Variants in TNFRSF9 observed in about 807,000 individuals in gnomAD.
The protein encoded by TNFRSF9 is tumor necrosis factor receptor superfamily member 9.
In TNFRSF9, 16 loss-of-function variants were observed where a neutral mutation model predicts 28.8. The ratio of observed to expected loss-of-function variants is 0.55; its 90% CI spans 0.38 to 0.84. TNFRSF9 has a LOEUF of 0.84. Ranked by LOEUF, TNFRSF9 falls within the 40% of genes least tolerant of loss-of-function variation. The probability of loss-of-function intolerance (pLI) is 0.00; values close to 1 mark genes in which losing one functional copy is unlikely to be tolerated. For synonymous variants in TNFRSF9, 131 were observed against 117.0 expected (o/e 1.12, Z -0.77); for missense variants, 303 against 315.0 (o/e 0.96, Z 0.29).
rs76203739 is a variant in TNFRSF9 at position 7,920,648 on chromosome 1, CAA to C, written c.*185_*186del. On this transcript the variant is annotated 3_prime_UTR_variant, in exon 8 of 8. Transcript: ENST00000377507. ...CCTGGGTGACAGAGTGAGACCCTGT[CAA>C]AAAAAAAAAAAAAGTGGTGCATTTT... is the stretch of plus-strand genomic sequence containing the variant. 5,228 of 401,100 alleles carry C rather than the reference CAA, an allele frequency of 0.013. No individual in the cohort carries two copies. The highest frequency in any genetic ancestry group is 0.017 in the South Asian group (649 of 38,774). The allele number at this position is 401,100 out of a possible 1,614,324, so 24.8% of individuals were successfully genotyped here. A position where few individuals can be genotyped will look rare whatever the true frequency, so the allele number is the denominator to read the frequency against.
At chr1:7,939,536 A>G (rs752247061) in intron 2 of TNFRSF9, among the ~76,000 whole-genome samples, 10 of 152,206 alleles carry the variant, frequency 6.6e-5, no homozygotes, top group Non-Finnish European at 1.3e-4. Flanking sequence ...TAAGCCCTTT[A>G]CTACGCGCTT....
Position 7,916,366 on chromosome 1 carries a change from C to T in TNFRSF9, c.*4469G>A, listed in dbSNP as rs1639478143. ...TTAGGGGGAGCAATGACTCACATGC[C>T]AAGTTCCTGTGTTTTTCATTTATAG... On this transcript the variant is annotated 3_prime_UTR_variant, in exon 8 of 8. Coordinates refer to ENST00000377507, the MANE Select transcript of TNFRSF9 (RefSeq NM_001561.6). 1 of 152,146 alleles carries T rather than the reference C, an allele frequency of 6.6e-6. No homozygotes were observed. The highest frequency in any genetic ancestry group is 2.4e-5 in the African/African-American group (1 of 41,428). 9.4% of individuals were successfully genotyped at this position (152,146 alleles called of 1,614,324 possible). A position where few individuals can be genotyped will look rare whatever the true frequency, so the allele number is the denominator to read the frequency against.
At position 7,916,419 on chromosome 1, in the gene TNFRSF9, A is replaced by G. The variant is rs1639478539; in HGVS notation, c.*4416T>C. ...TTTGCACATGATACCAGAATAGGCT[A>G]TGATAAAAATATCACAGTCTGTATC... is the stretch of plus-strand genomic sequence containing the variant. On this transcript the variant is annotated 3_prime_UTR_variant, in exon 8 of 8. Coordinates refer to ENST00000377507, the MANE Select transcript of TNFRSF9 (RefSeq NM_001561.6). 1 of 152,214 alleles carries G rather than the reference A, an allele frequency of 6.6e-6. No individual in the cohort carries two copies. Among genetic ancestry groups the G allele is most frequent in the African/African-American group, 2.4e-5 (1 of 41,448 alleles). 9.4% of individuals were successfully genotyped at this position (152,214 alleles called of 1,614,324 possible).
rs1639490133 is a variant in TNFRSF9 at position 7,917,083 on chromosome 1, C to G, written c.*3752G>C. ...TAGCTGGGATTACAGGCACATGCCA[C>G]CATGCCTGACTAATTTTTGTATTTT... On this transcript the variant is annotated 3_prime_UTR_variant, in exon 8 of 8. Transcript: ENST00000377507. 1 of 152,180 alleles carries G rather than the reference C, an allele frequency of 6.6e-6. No individual in the cohort carries two copies. The highest frequency in any genetic ancestry group is 1.5e-5 in the Non-Finnish European group (1 of 68,060). The allele number at this position is 152,180 out of a possible 1,614,324, so 9.4% of individuals were successfully genotyped here.
rs1491428790 is a variant in TNFRSF9 at position 7,922,895 on chromosome 1, TTC to T, written c.680-1974_680-1973del. 2.6e-3 allele frequency among the ~76,000 whole-genome samples: 370 copies of T among 141,958 alleles called. 1 individual carries two copies. The highest frequency in any genetic ancestry group is 3.9e-3 in the Non-Finnish European group (265 of 67,714). 93.1% of individuals were successfully genotyped at this position (141,958 alleles called of 152,430 possible). ...GGGGCAGCATAGCAAGACTACAAAC[TTC>T]TTTTTTTTTTCTTTTTTTTTTTTGA... On this transcript the variant is annotated intron_variant, in intron 7 of 7. Transcript: ENST00000377507.
At chr1:7,921,219 C>T (rs1249892232) in intron 7 of TNFRSF9, among the ~76,000 whole-genome samples, 4 of 151,832 alleles carry the variant, frequency 2.6e-5, no homozygotes, top group Non-Finnish European at 5.9e-5. Context: ...GCCTGTAATC[C>T]CAGCTACTCA....
chr1:7,932,600 C>T (rs1049029520), intron 7 of TNFRSF9, among the ~76,000 whole-genome samples: 8 of 151,966 alleles, frequency 5.3e-5, no homozygotes, highest in Non-Finnish European at 1.0e-4. Context: ...AGTTTATCAA[C>T]CAGAGGGACA....
At chr1:7,925,951 A>G (rs1639645818) in intron 7 of TNFRSF9, among the ~76,000 whole-genome samples, 1 of 152,190 alleles carries the variant, frequency 6.6e-6, no homozygotes, top group Non-Finnish European at 1.5e-5. Context: ...CCCAGCCAGG[A>G]GTGCAGTGAT....
At chr1:7,922,682 C>G (rs1639579366) in intron 7 of TNFRSF9, among the ~76,000 whole-genome samples, 1 of 151,776 alleles carries the variant, frequency 6.6e-6, no homozygotes, top group Admixed American at 6.6e-5. Context: ...CATGGTGGCG[C>G]TCACCTGTAA....
At position 7,930,431 on chromosome 1, in the gene TNFRSF9, A is replaced by G. The variant is rs960078850; in HGVS notation, c.679+2731T>C. ...CATAAATACTTTTGAAAAGCATTTT[A>G]TAACGAACTTTGTTGCAGTCTGGGG... On this transcript the variant is annotated intron_variant, in intron 7 of 7. Transcript: ENST00000377507. Among the ~76,000 whole-genome samples the G allele has an allele frequency of 2.0e-5, 3 of 152,336 alleles. No homozygotes were observed. The East Asian group carries it at 5.8e-4, about 29-fold the overall frequency.
chr1:7,932,899 C>G (rs1470530151), intron 7 of TNFRSF9, among the ~76,000 whole-genome samples: 1 of 152,078 alleles, frequency 6.6e-6, no homozygotes, highest in African/African-American at 2.4e-5. Flanking sequence ...GAGGCTGTCC[C>G]GTGCACGGTA....
chr1:7,937,709 T>C lies in TNFRSF9; in HGVS notation c.394A>G (p.Ile132Val), dbSNP rs1318027407. The C allele has an allele frequency of 1.2e-6, 2 of 1,613,870 alleles. No individual in the cohort carries two copies. Among genetic ancestry groups the C allele is most frequent in the Non-Finnish European group, 1.7e-6 (2 of 1,179,744 alleles). Residue 132 changes from isoleucine to valine, a missense_variant, in exon 5 of 8, where the codon ATC becomes GTC. Physicochemically the swap from Ile to Val is conservative, Grantham distance 29. Transcript: ENST00000377507. ...FGTFNDQKRG[I>V]CRPWTNCSLD... The stretch of plus-strand genomic sequence containing the variant: ...ACGTACTTTGTCCAGGGTCGACAGA[T>C]GCCACGTTTCTGATCGTTAAATGTC...
At position 7,924,349 on chromosome 1, in the gene TNFRSF9, G is replaced by T. The variant is rs1200370999; in HGVS notation, c.680-3426C>A. 2.8e-5 allele frequency among the ~76,000 whole-genome samples: 4 copies of T among 143,106 alleles called. No homozygotes were observed. In the South Asian group the frequency reaches 8.7e-4, roughly 31 times the overall value. 93.9% of individuals were successfully genotyped at this position (143,106 alleles called of 152,430 possible). On this transcript the variant is annotated intron_variant, in intron 7 of 7. Transcript: ENST00000377507. ...TATATATATATAACCAGTTAAGGCC[G>T]GGTGTTGTGGCTCACACCTGTAATC... is the stretch of plus-strand genomic sequence containing the variant.
At chr1:7,929,386 C>T (rs1407390446) in intron 7 of TNFRSF9, among the ~76,000 whole-genome samples, 1 of 151,750 alleles carries the variant, frequency 6.6e-6, no homozygotes, top group African/African-American at 2.4e-5. Flanking sequence ...AGGCTGGTCT[C>T]GAACTCCTGA....
intron 6 of TNFRSF9, among the ~76,000 whole-genome samples, chr1:7,934,380 A>AAAAAAAGC (rs1639784847): frequency 7.3e-6 from 1 of 136,446 alleles, no homozygotes; most frequent in African/African-American, 2.8e-5. Context: ...CTCGGGGGAA[A>AAAAAAAGC]AAAAAAGCGA....
At chr1:7,935,190 G>A (rs1196192541) in intron 5 of TNFRSF9, 47 bp from the exon 6 acceptor site, 3 of 1,590,916 alleles carry the variant, frequency 1.9e-6, no homozygotes. Flanking sequence ...CTTAGGTCCA[G>A]AAGATTCTGG....
At chr1:7,939,590 A>T (rs1251698814) in intron 2 of TNFRSF9, among the ~76,000 whole-genome samples, 1 of 152,266 alleles carries the variant, frequency 6.6e-6, no homozygotes, top group African/African-American at 2.4e-5. Context: ...CCCTACACAC[A>T]AAACTAACAT....
intron 7 of TNFRSF9, among the ~76,000 whole-genome samples, chr1:7,928,608 T>G (rs974906408): frequency 6.6e-6 from 1 of 152,184 alleles, no homozygotes; most frequent in African/African-American, 2.4e-5. Flanking sequence ...CCCTGACAAA[T>G]GGGCCGGGCA....
intron 2 of TNFRSF9, 37 bp from the exon 3 acceptor site, chr1:7,938,865 A>G (rs1296530729): frequency 8.8e-6 from 13 of 1,473,044 alleles, no homozygotes; most frequent in Non-Finnish European, 1.2e-5. Context: ...ACGTTTGACA[A>G]TGGGCAATCG....
Sources: gnomAD v4.1 joint callset for allele counts (sites outside exome capture counted in the v4.1 genomes callset) on GRCh38, gnomAD v4.1.1 for gene constraint, MANE v1.5 for transcripts, NCBI Gene and HGNC (gene_info 2026-07-23, HGNC 2026-07-21) for gene names.